MGLL: variants seen among roughly 807,000 people sequenced by gnomAD.
The protein encoded by MGLL is lysophospholipase homolog.
A neutral mutation model predicts 29.1 loss-of-function variants in MGLL; 7 were observed. That is an observed-to-expected ratio of 0.24 (90% CI 0.14 to 0.45). The LOEUF (loss-of-function observed/expected upper bound fraction) is 0.45, where lower values mean the gene tolerates loss of function less well. MGLL is among the 20% of genes least tolerant of loss of function. The pLI is 0.99. For synonymous variants in MGLL, 148 were observed against 168.3 expected (o/e 0.88, Z 0.93); for missense variants, 356 against 413.6 (o/e 0.86, Z 1.21).
chr3:127,723,437 G>T (rs925106051), intron 3 of MGLL, among the ~76,000 whole-genome samples: 3 of 151,956 alleles, frequency 2.0e-5, no homozygotes, highest in Admixed American at 1.3e-4. Flanking sequence ...CAGTAATAAC[G>T]GTCACCACCT....
At chr3:127,777,902 G>T (rs2077062518) in intron 3 of MGLL, among the ~76,000 whole-genome samples, 1 of 152,200 alleles carries the variant, frequency 6.6e-6, no homozygotes, top group Non-Finnish European at 1.5e-5. Context: ...TGAATAAATG[G>T]CAGGAATCAC....
intron 2 of MGLL, among the ~76,000 whole-genome samples, chr3:127,795,456 T>C (rs2077368123): frequency 6.6e-6 from 1 of 152,086 alleles, no homozygotes; most frequent in Non-Finnish European, 1.5e-5. Flanking sequence ...CTATGCTCAA[T>C]ACCTGGGTGA....
chr3:127,726,070 A>G (rs1244003730), intron 3 of MGLL, among the ~76,000 whole-genome samples: 1 of 147,372 alleles, frequency 6.8e-6, no homozygotes. Flanking sequence ...CTCAAAAAAA[A>G]AAAGAAAGGG....
At chr3:127,774,998 G>A (rs1393993083) in intron 3 of MGLL, among the ~76,000 whole-genome samples, 1 of 151,980 alleles carries the variant, frequency 6.6e-6, no homozygotes, top group Non-Finnish European at 1.5e-5. Context: ...TATCAGAGAG[G>A]GCACACAAAC....
intron 3 of MGLL, among the ~76,000 whole-genome samples, chr3:127,766,971 T>G (rs1188611886): frequency 6.6e-6 from 1 of 152,042 alleles, no homozygotes; most frequent in Non-Finnish European, 1.5e-5. Context: ...CTCAGGAGGT[T>G]GAGGCAGGAG....
chr3:127,742,072 G>A (rs2107656010), intron 3 of MGLL, among the ~76,000 whole-genome samples: 1 of 152,300 alleles, frequency 6.6e-6, no homozygotes, highest in South Asian at 2.1e-4. Context: ...ACCAAAATGG[G>A]ATTTCTAGAT....
At chr3:127,780,839 G>A (rs1191495789) in intron 3 of MGLL, among the ~76,000 whole-genome samples, 1 of 152,148 alleles carries the variant, frequency 6.6e-6, no homozygotes, top group Non-Finnish European at 1.5e-5. Context: ...TCTGGATCTG[G>A]GCCACAATGA....
chr3:127,781,684 G>A, intron 3 of MGLL, 105 bp downstream of exon 3: 2 of 1,045,194 alleles, frequency 1.9e-6, no homozygotes, highest in Non-Finnish European at 3.0e-6. Context: ...ACATCCGTGG[G>A]GAATAGAAGA....
chr3:127,821,975 AACAT>A lies in MGLL; in HGVS notation c.11-141_11-138del, dbSNP rs2107766675. 4.3e-6 allele frequency: 4 copies of A among 938,844 alleles called. No individual in the cohort carries two copies. The East Asian group carries it at 1.0e-4, about 24-fold the overall frequency. 58.2% of individuals were successfully genotyped at this position (938,844 alleles called of 1,614,324 possible). A position where few individuals can be genotyped will look rare whatever the true frequency, so the allele number is the denominator to read the frequency against. ...AAACCCCTCTGTTTCAAAGGTTTAAAACATACATACATTTCTTGCAAACCTCTCC... is the reference window on the plus strand; with the variant it reads ...AAACCCCTCTGTTTCAAAGGTTTAAAACATACATTTCTTGCAAACCTCTCC... On this transcript the variant is annotated intron_variant, in intron 1 of 7. Transcript: ENST00000265052.
At chr3:127,755,118 G>A (rs16830397) in intron 3 of MGLL, among the ~76,000 whole-genome samples, 7,804 of 152,158 alleles carry the variant, frequency 0.051, 364 homozygotes, top group East Asian at 0.23. Context: ...TTGCCCACAC[G>A]GCCTCGTCAA....
chr3:127,693,272 C>G (rs1224842399), intron 7 of MGLL, among the ~76,000 whole-genome samples: 1 of 152,204 alleles, frequency 6.6e-6, no homozygotes, highest in Admixed American at 6.5e-5. Flanking sequence ...CCTGGCTTGA[C>G]CTGCCTTGGT....
chr3:127,712,744 G>C (rs1171889250), intron 5 of MGLL: 1 of 152,364 alleles, frequency 6.6e-6, no homozygotes, highest in Non-Finnish European at 1.5e-5. Flanking sequence ...AGCCTCGAAG[G>C]GTGGCCGTGA....
chr3:127,774,269 C>T (rs1219970995), intron 3 of MGLL, among the ~76,000 whole-genome samples: 1 of 152,260 alleles, frequency 6.6e-6, no homozygotes, highest in Non-Finnish European at 1.5e-5. Context: ...CAGACCTTTG[C>T]AAGAATGGGT....
Position 127,690,600 on chromosome 3 carries a change from G to T in MGLL, c.*1598C>A, listed in dbSNP as rs891027484. The T allele has an allele frequency of 1.3e-5, 2 of 152,788 alleles. No individual in the cohort carries two copies. The highest frequency in any genetic ancestry group is 2.9e-5 in the Non-Finnish European group (2 of 68,116). 9.5% of individuals were successfully genotyped at this position (152,788 alleles called of 1,614,324 possible). On this transcript the variant is annotated 3_prime_UTR_variant, in exon 8 of 8. Coordinates refer to ENST00000265052, the MANE Select transcript of MGLL (RefSeq NM_007283.7). ...CTGAGGCCTAGACTTCATGTTGGGG[G>T]TCCTGGTGGGAAGTGGCCTCTCCTC...
chr3:127,768,713 C>A (rs1052658001), intron 3 of MGLL, among the ~76,000 whole-genome samples: 1 of 152,186 alleles, frequency 6.6e-6, no homozygotes, highest in Non-Finnish European at 1.5e-5. Context: ...CCTACTGAAG[C>A]TCCCTGTCCT....
intron 2 of MGLL, among the ~76,000 whole-genome samples, chr3:127,803,971 T>A (rs1238833201): frequency 6.6e-6 from 1 of 152,176 alleles, no homozygotes; most frequent in Non-Finnish European, 1.5e-5. Context: ...CGCCTTGTTT[T>A]CTCCTTGTGG....
upstream of MGLL, chr3:127,822,652 G>C (rs1246546071): frequency 1.3e-5 from 5 of 381,796 alleles, no homozygotes; most frequent in Non-Finnish European, 2.4e-5. Flanking sequence ...AACTAGCTCC[G>C]CGCACACCGA....
At chr3:127,774,971 A>AAG (rs2077009074) in intron 3 of MGLL, among the ~76,000 whole-genome samples, 1 of 3,744 alleles carries the variant, frequency 2.7e-4, no homozygotes, top group Admixed American at 1.6e-3. Context: ...TTTGTTCAAC[A>AAG]GAGGCAAATG....
chr3:127,817,550 G>T (rs1435114397), intron 2 of MGLL, among the ~76,000 whole-genome samples: 4 of 152,194 alleles, frequency 2.6e-5, no homozygotes, highest in Admixed American at 2.0e-4. Flanking sequence ...CCTTGCAGAT[G>T]AACAGCAAAT....
Sources: gnomAD v4.1 joint callset for allele counts (sites outside exome capture counted in the v4.1 genomes callset) on GRCh38, gnomAD v4.1.1 for gene constraint, MANE v1.5 for transcripts, NCBI Gene and HGNC (gene_info 2026-07-23, HGNC 2026-07-21) for gene names.